The following EEIG1 variants were observed in gnomAD, a reference collection of about 807,000 sequenced individuals.
EEIG1 encodes the protein early estrogen-induced gene 1 protein.
At chr9:127,959,321 G>A in the EEIG1 span, among the ~76,000 whole-genome samples, 7 of 152,220 alleles carry the variant, frequency 4.6e-5, no homozygotes, top group African/African-American at 1.4e-4. Flanking sequence ...CAGCAATAAA[G>A]AGAAATGATA....
the EEIG1 span, among the ~76,000 whole-genome samples, chr9:127,960,884 C>G: frequency 9.2e-5 from 14 of 152,050 alleles, no homozygotes; most frequent in African/African-American, 2.7e-4. Context: ...CCTGTTTCTA[C>G]AGGGCTCTGA....
At chr9:127,980,979 G>A in the EEIG1 span, among the ~76,000 whole-genome samples, 1 of 149,258 alleles carries the variant, frequency 6.7e-6, no homozygotes, top group Non-Finnish European at 1.5e-5. Context: ...GCGAGGCGCC[G>A]CTTGGAGAAT....
At chr9:127,944,088 G>A in the EEIG1 span, 2 of 162,314 alleles carry the variant, frequency 1.2e-5, no homozygotes, top group East Asian at 3.7e-4. Context: ...TGTCTGTGAC[G>A]CAGCACTCTA....
the EEIG1 span, among the ~76,000 whole-genome samples, chr9:127,956,534 C>T: frequency 1.3e-5 from 2 of 152,188 alleles, no homozygotes; most frequent in African/African-American, 4.8e-5. Context: ...CCTCAGCCTC[C>T]TGAGTAGCTG....
chr9:127,980,223 CA>C, the EEIG1 span: 2 of 1,426,316 alleles, frequency 1.4e-6, no homozygotes, highest in South Asian at 1.4e-5. Context: ...ACCCCCTCCT[CA>C]AAACACCAGA....
the EEIG1 span, chr9:127,945,017 C>A: frequency 8.2e-7 from 1 of 1,217,290 alleles, no homozygotes; most frequent in Non-Finnish European, 1.1e-6. This position sits in a 1 kb window ranked among gnomAD's most constrained non-coding sequence, Gnocchi z 6.5. Context: ...CTGTGCGCTC[C>A]GTGCTGTACT....
chr9:127,955,749 C>T, the EEIG1 span, among the ~76,000 whole-genome samples: 1 of 152,210 alleles, frequency 6.6e-6, no homozygotes, highest in African/African-American at 2.4e-5. Context: ...CCAATGAAAG[C>T]CCCTAAGCCT....
the EEIG1 span, among the ~76,000 whole-genome samples, chr9:127,964,564 C>T: frequency 1.1e-3 from 175 of 152,358 alleles, no homozygotes; most frequent in South Asian, 2.3e-3. Flanking sequence ...TGGCTGGCAA[C>T]CCTCACAGGA....
At chr9:127,948,685 C>T in the EEIG1 span, among the ~76,000 whole-genome samples, 2 of 152,224 alleles carry the variant, frequency 1.3e-5, no homozygotes, top group Non-Finnish European at 2.9e-5. Context: ...CTGCGCCTGG[C>T]AGAGTGAGCG....
At chr9:127,977,860 C>T in the EEIG1 span, among the ~76,000 whole-genome samples, 3 of 152,196 alleles carry the variant, frequency 2.0e-5, no homozygotes, top group Non-Finnish European at 4.4e-5. Flanking sequence ...TGCTCCATGA[C>T]ACAGTCCAGG....
At chr9:127,945,827 G>A in the EEIG1 span, 3,127 of 1,045,960 alleles carry the variant, frequency 3.0e-3, 49 homozygotes, top group African/African-American at 0.039. This position sits in a 1 kb window ranked among gnomAD's most constrained non-coding sequence, Gnocchi z 6.5. Flanking sequence ...CCTTCACAAC[G>A]TGCCCTCACA....
At chr9:127,967,339 A>C in the EEIG1 span, among the ~76,000 whole-genome samples, 1 of 152,196 alleles carries the variant, frequency 6.6e-6, no homozygotes, top group African/African-American at 2.4e-5. Flanking sequence ...ATCCACACCC[A>C]GCCCTAGGAG....
At chr9:127,956,421 T>G in the EEIG1 span, among the ~76,000 whole-genome samples, 3 of 152,314 alleles carry the variant, frequency 2.0e-5, no homozygotes, top group South Asian at 6.2e-4. Flanking sequence ...TATTTATTTA[T>G]TTTTTTGAGA....
At chr9:127,961,482 C>CTT in the EEIG1 span, among the ~76,000 whole-genome samples, 1 of 152,202 alleles carries the variant, frequency 6.6e-6, no homozygotes, top group Admixed American at 6.5e-5. Flanking sequence ...ATTCAGAAAC[C>CTT]TTTTATGAAG....
chr9:127,958,588 C>T, the EEIG1 span, among the ~76,000 whole-genome samples: 2 of 151,916 alleles, frequency 1.3e-5, no homozygotes, highest in Admixed American at 6.6e-5. Context: ...TGACCTGAGC[C>T]TAGGAGTTTG....
the EEIG1 span, among the ~76,000 whole-genome samples, chr9:127,954,772 G>A: frequency 8.5e-5 from 13 of 152,128 alleles, no homozygotes; most frequent in African/African-American, 2.9e-4. Context: ...CAGCGACCTG[G>A]GGGCTTCAGC....
the EEIG1 span, chr9:127,948,450 A>ACC: frequency 1.9e-6 from 3 of 1,608,276 alleles, no homozygotes; most frequent in South Asian, 3.3e-5. Flanking sequence ...TGCCCTGACC[A>ACC]CCCACAGCCT....
chr9:127,963,173 A>G, the EEIG1 span, among the ~76,000 whole-genome samples: 1 of 152,256 alleles, frequency 6.6e-6, no homozygotes, highest in Non-Finnish European at 1.5e-5. Context: ...AGTTGTTTCC[A>G]TAATTGAAAT....
At chr9:127,964,860 G>A in the EEIG1 span, among the ~76,000 whole-genome samples, 1 of 152,124 alleles carries the variant, frequency 6.6e-6, no homozygotes, top group Non-Finnish European at 1.5e-5. Flanking sequence ...CCAGCACTTT[G>A]GGAGGCTGAG....
Sources: gnomAD v4.1 joint callset for allele counts (sites outside exome capture counted in the v4.1 genomes callset) on GRCh38, gnomAD v4.1.1 for gene constraint, Gnocchi (gnomAD v3.1) non-coding constraint, MANE v1.5 for transcripts, NCBI Gene and HGNC (gene_info 2026-07-23, HGNC 2026-07-21) for gene names.